KCNIP1: variants seen among roughly 807,000 people sequenced by gnomAD.
KCNIP1 encodes potassium voltage-gated channel interacting protein 1, also known as A-type potassium channel modulatory protein KCNIP1.
Under a neutral mutation model 33.0 loss-of-function variants are expected in KCNIP1, and 18 were observed. That is an observed-to-expected ratio of 0.55 (90% CI 0.38 to 0.81). KCNIP1 has a LOEUF of 0.81. Ranked by LOEUF, KCNIP1 falls within the 30% of genes least tolerant of loss-of-function variation. KCNIP1 has a pLI of 0.00. For synonymous variants in KCNIP1, 93 were observed against 98.3 expected, an observed-to-expected ratio of 0.95 and a Z score of 0.32; for missense variants, 238 against 271.6, an observed-to-expected ratio of 0.88 and a Z score of 0.87.
chr5:170,389,317 C>G (rs1483837944), intron 1 of KCNIP1: 1 of 152,084 alleles, frequency 6.6e-6, no homozygotes. Context: ...GCCTGGACCC[C>G]CGCCCCCACC....
chr5:170,385,541 G>A, intron 1 of KCNIP1: 1 of 1,375,798 alleles, frequency 7.3e-7, no homozygotes, highest in Non-Finnish European at 1.0e-6. Flanking sequence ...AGAGAGGACA[G>A]GTGAGAGGGG....
At chr5:170,661,452 C>T (rs938696162) in intron 1 of KCNIP1, among the ~76,000 whole-genome samples, 2 of 152,204 alleles carry the variant, frequency 1.3e-5, no homozygotes, top group African/African-American at 4.8e-5. Context: ...GCCAACTCCA[C>T]AATTCTAGGA....
In KCNIP1 at chr5:170,390,517, A is replaced by AAAAAAAAAAAAATATATATAT; in HGVS notation, c.88+36554_88+36555insAAAAAAAAAAATATATATATA. ...GACCCCGTCTCAAAAAAAAAAAACA[A>AAAAAAAAAAAAATATATATAT]ATATATATATATATATATATATTTT... is the stretch of plus-strand genomic sequence containing the variant. On this transcript the variant is annotated intron_variant, in intron 1 of 7. Coordinates refer to the KCNIP1 transcript ENST00000377360. Among the ~76,000 whole-genome samples, 17 of 74,532 alleles carry AAAAAAAAAAAAATATATATAT rather than the reference A, an allele frequency of 2.3e-4. 1 individual carries two copies. Among genetic ancestry groups the AAAAAAAAAAAAATATATATAT allele is most frequent in the South Asian group, 8.8e-4 (2 of 2,264 alleles). The allele number at this position is 74,532 out of a possible 152,430, so 48.9% of individuals were successfully genotyped here.
chr5:170,376,144 CTT>C (rs995060904), intron 1 of KCNIP1: 2 of 128,020 alleles, frequency 1.6e-5, no homozygotes, highest in African/African-American at 2.8e-5. Flanking sequence ...GTATTCATGA[CTT>C]ATTCTTTTTT....
At chr5:170,582,967 G>C (rs1757851706) in intron 1 of KCNIP1, among the ~76,000 whole-genome samples, 3 of 152,174 alleles carry the variant, frequency 2.0e-5, no homozygotes, top group Admixed American at 2.0e-4. Flanking sequence ...AAATGTATTT[G>C]ACAACGGAGC....
intron 1 of KCNIP1, among the ~76,000 whole-genome samples, chr5:170,517,914 G>A (rs1755206795): frequency 6.7e-6 from 1 of 149,848 alleles, no homozygotes; most frequent in African/African-American, 2.5e-5. Context: ...TGGTTATGGA[G>A]GCGGTGATGG....
chr5:170,371,915 TC>T (rs1374197059), intron 1 of KCNIP1, among the ~76,000 whole-genome samples: 2 of 152,206 alleles, frequency 1.3e-5, no homozygotes, highest in Admixed American at 1.3e-4. Flanking sequence ...AAGAGGGTTT[TC>T]TTCCCCCCTA....
At chr5:170,409,662 T>C (rs534571474) in intron 1 of KCNIP1, among the ~76,000 whole-genome samples, 2 of 152,242 alleles carry the variant, frequency 1.3e-5, no homozygotes, top group African/African-American at 4.8e-5. Flanking sequence ...GCCCAGCCTG[T>C]GCCACTCTAC....
At chr5:170,642,505 C>T (rs566374873) in intron 1 of KCNIP1, among the ~76,000 whole-genome samples, 5 of 152,326 alleles carry the variant, frequency 3.3e-5, no homozygotes, top group Admixed American at 2.0e-4. Context: ...GGGAGCAGCA[C>T]GGTGCCTCCA....
chr5:170,378,119 A>G (rs314155), intron 1 of KCNIP1: 79,713 of 152,044 alleles, frequency 0.52, 21,260 homozygotes, highest in African/African-American at 0.61. Flanking sequence ...CCACCATCCC[A>G]CCGCTAAAAT....
At chr5:170,416,110 G>A (rs1005492121) in intron 1 of KCNIP1, among the ~76,000 whole-genome samples, 6 of 152,036 alleles carry the variant, frequency 3.9e-5, no homozygotes, top group African/African-American at 1.4e-4. Context: ...GATGTCCCAA[G>A]GTCCACCCCT....
At chr5:170,700,295 C>T (rs1047388887) in intron 1 of KCNIP1, among the ~76,000 whole-genome samples, 6 of 152,156 alleles carry the variant, frequency 3.9e-5, no homozygotes, top group African/African-American at 9.7e-5. Context: ...TGCCTAAGTT[C>T]GCATGGTAAC....
chr5:170,550,205 T>C (rs182589786), intron 1 of KCNIP1, among the ~76,000 whole-genome samples: 171 of 152,208 alleles, frequency 1.1e-3, no homozygotes, highest in Non-Finnish European at 2.0e-3. Context: ...GACATAACTG[T>C]ACCCCTCAAG....
intron 1 of KCNIP1, among the ~76,000 whole-genome samples, chr5:170,660,728 G>T (rs10076389): frequency 0.01 from 1,573 of 152,250 alleles, 35 homozygotes; most frequent in African/African-American, 0.035. Context: ...CCTGACCAGC[G>T]GGGCTCCCCA....
chr5:170,599,604 T>C (rs748983204), intron 1 of KCNIP1, among the ~76,000 whole-genome samples: 2 of 147,326 alleles, frequency 1.4e-5, no homozygotes, highest in Non-Finnish European at 3.0e-5. Context: ...CTCAGGACTG[T>C]GGAATGAGCA....
intron 1 of KCNIP1, among the ~76,000 whole-genome samples, chr5:170,410,752 C>T (rs1055195185): frequency 6.6e-6 from 1 of 151,992 alleles, no homozygotes. Context: ...TTATTTGGAT[C>T]AGGATAAAAA....
chr5:170,365,324 C>T (rs1581111892), intron 1 of KCNIP1, among the ~76,000 whole-genome samples: 2 of 152,158 alleles, frequency 1.3e-5, no homozygotes, highest in African/African-American at 4.8e-5. Context: ...CTGTATCCAC[C>T]ATTTCCACGT....
intron 1 of KCNIP1, among the ~76,000 whole-genome samples, chr5:170,450,696 C>T (rs948897218): frequency 6.6e-6 from 1 of 152,156 alleles, no homozygotes; most frequent in Non-Finnish European, 1.5e-5. Context: ...ACCTCCGCCC[C>T]GATCCCCAGA....
chr5:170,535,053 T>C (rs930078230), intron 1 of KCNIP1, among the ~76,000 whole-genome samples: 1 of 152,172 alleles, frequency 6.6e-6, no homozygotes, highest in Non-Finnish European at 1.5e-5. Context: ...CTGCAGACCC[T>C]ATTGTAGCTG....
Sources: gnomAD v4.1 joint callset for allele counts (sites outside exome capture counted in the v4.1 genomes callset) on GRCh38, gnomAD v4.1.1 for gene constraint, MANE v1.5 for transcripts, NCBI Gene and HGNC (gene_info 2026-07-23, HGNC 2026-07-21) for gene names.